Variants in AMZ2 observed in about 807,000 individuals in gnomAD.
AMZ2 encodes the protein archaelysin family metallopeptidase 2.
AMZ2 carries 26 observed loss-of-function variants against 36.7 expected under a neutral mutation model. That is an observed-to-expected ratio of 0.71 (90% CI 0.52 to 0.98). The LOEUF (loss-of-function observed/expected upper bound fraction) is 0.98, where lower values mean the gene tolerates loss of function less well. Ranked by LOEUF, AMZ2 falls within the 50% of genes least tolerant of loss-of-function variation. AMZ2 has a pLI of 0.00. For synonymous variants in AMZ2, 144 were observed against 149.1 expected (o/e 0.97, Z 0.25); for missense variants, 394 against 430.5 (o/e 0.92, Z 0.75).
Position 68,254,452 on chromosome 17 carries a change from T to G in AMZ2, c.635T>G (p.Met212Arg). The change falls in exon 5 of 7, where the codon ATG (methionine) becomes AGG (arginine). Residue 212 changes from methionine to arginine, a missense_variant. Physicochemically the swap from Met to Arg is moderately conservative, Grantham distance 91. Transcript: ENST00000359904. ...FARYGSDFYS[M>R]HYKGKVKKLK... is the part of the protein sequence containing the mutation. The stretch of plus-strand genomic sequence containing the variant: ...AGGTATGGCAGTGATTTTTATAGCA[T>G]GCACTATAAAGGCAAAGTGAAGAAG... 6.2e-7 allele frequency: 1 copy of G among 1,613,636 alleles called. No homozygotes were observed. The highest frequency in any genetic ancestry group is 8.5e-7 in the Non-Finnish European group (1 of 1,179,980).
At chr17:68,247,121 G>A (rs1276826960), upstream of AMZ2, 5 of 151,790 alleles carry the variant, frequency 3.3e-5, no homozygotes, top group Admixed American at 3.3e-4. Flanking sequence ...GATCACTTGA[G>A]GTCAGGAGTT....
At chr17:68,225,068 T>G (rs1383279474) in intron 1 of AMZ2, among the ~76,000 whole-genome samples, 1 of 151,592 alleles carries the variant, frequency 6.6e-6, no homozygotes, top group East Asian at 1.9e-4. Context: ...GGCGTGCACC[T>G]GTAATCCCAG....
intron 1 of AMZ2, among the ~76,000 whole-genome samples, chr17:68,226,861 A>G (rs142023693): frequency 0.026 from 3,907 of 150,646 alleles, 72 homozygotes; most frequent in Non-Finnish European, 0.036. Context: ...TGGCTCTAAC[A>G]TCAGGGGACC....
chr17:68,238,140 G>A (rs1379619405), intron 1 of AMZ2, among the ~76,000 whole-genome samples: 1 of 152,320 alleles, frequency 6.6e-6, no homozygotes, highest in East Asian at 1.9e-4. Context: ...ACATCACCAA[G>A]AGGATCACAG....
chr17:68,222,597 T>G (rs1555728837), intron 1 of AMZ2, among the ~76,000 whole-genome samples: 1 of 152,190 alleles, frequency 6.6e-6, no homozygotes, highest in Non-Finnish European at 1.5e-5. Flanking sequence ...AGTGAGCTTG[T>G]TTTCCTGCAA....
intron 1 of AMZ2, among the ~76,000 whole-genome samples, chr17:68,220,426 G>A (rs1477090166): frequency 6.6e-6 from 1 of 151,794 alleles, no homozygotes; most frequent in Non-Finnish European, 1.5e-5. Flanking sequence ...GTAAGCTCCC[G>A]GAAGTCAGAG....
chr17:68,248,824 G>GA (rs1555737404), intron 1 of AMZ2, 119 bp downstream of exon 1: 1 of 952,776 alleles, frequency 1.0e-6, no homozygotes, highest in Non-Finnish European at 1.3e-6. Context: ...TTTGAGTACA[G>GA]AGACATTTGG....
At chr17:68,247,912 C>T, upstream of AMZ2, 1 of 985,560 alleles carries the variant, frequency 1.0e-6, no homozygotes, top group Non-Finnish European at 1.2e-6. Flanking sequence ...TCTGCGCCTG[C>T]CCAGGCGGCC....
intron 4 of AMZ2, among the ~76,000 whole-genome samples, chr17:68,252,896 A>G (rs1266897665): frequency 3.3e-5 from 5 of 152,210 alleles, no homozygotes; most frequent in Non-Finnish European, 5.9e-5. Context: ...GTGTTTGAGG[A>G]GGTCAGGAAA....
upstream of AMZ2, among the ~76,000 whole-genome samples, chr17:68,244,515 G>A (rs565761676): frequency 5.9e-5 from 9 of 152,290 alleles, no homozygotes; most frequent in Middle Eastern, 3.4e-3. Context: ...TCAAACTCCT[G>A]ACCTCAAGTG....
At chr17:68,234,001 C>T (rs1208634259) in intron 1 of AMZ2, among the ~76,000 whole-genome samples, 5 of 152,246 alleles carry the variant, frequency 3.3e-5, no homozygotes, top group East Asian at 1.9e-4. Flanking sequence ...TACAGCAAAT[C>T]GTAGATTCCA....
chr17:68,222,848 C>CT (rs1397579843), intron 1 of AMZ2, among the ~76,000 whole-genome samples: 1 of 152,220 alleles, frequency 6.6e-6, no homozygotes, highest in Non-Finnish European at 1.5e-5. Context: ...TCACCTCCTG[C>CT]TGTGTGGCCC....
chr17:68,224,942 C>T (rs1183179327), intron 1 of AMZ2, among the ~76,000 whole-genome samples: 6 of 151,690 alleles, frequency 4.0e-5, no homozygotes, highest in Middle Eastern at 3.4e-3. Flanking sequence ...TTTTGGGAGG[C>T]GGAGGCGGGT....
intron 1 of AMZ2, among the ~76,000 whole-genome samples, chr17:68,232,391 G>A (rs1409072771): frequency 6.6e-6 from 1 of 151,404 alleles, no homozygotes; most frequent in Non-Finnish European, 1.5e-5. Flanking sequence ...AGCTACTCAG[G>A]AGGCTAAAGC....
chr17:68,230,072 T>C (rs1249707610), intron 1 of AMZ2, among the ~76,000 whole-genome samples: 1 of 152,082 alleles, frequency 6.6e-6, no homozygotes, highest in African/African-American at 2.4e-5. Context: ...TTTTTTGTTT[T>C]GTTTTGTTTT....
At chr17:68,231,346 C>T (rs2073658925) in intron 1 of AMZ2, among the ~76,000 whole-genome samples, 1 of 152,046 alleles carries the variant, frequency 6.6e-6, no homozygotes, top group African/African-American at 2.4e-5. Context: ...ACTGGGATAA[C>T]AGGCGTGAGC....
At position 68,211,820 on chromosome 17, in the gene AMZ2, G is replaced by GTATATGTATATGTATGTATATGTATA. The variant is rs1176516792; in HGVS notation, c.-67+5585_-67+5586insATGTATATGTATGTATATGTATATAT. Among the ~76,000 whole-genome samples, 19 of 126,166 alleles carry GTATATGTATATGTATGTATATGTATA rather than the reference G, an allele frequency of 1.5e-4. No homozygotes were observed. In the South Asian group the frequency reaches 2.1e-3, roughly 14 times the overall value. 82.8% of individuals were successfully genotyped at this position (126,166 alleles called of 152,430 possible). A position where few individuals can be genotyped will look rare whatever the true frequency, so the allele number is the denominator to read the frequency against. On this transcript the variant is annotated intron_variant, in intron 1 of 7. Transcript: ENST00000674770. Reference sequence around the variant, plus strand: ...TATGTGTATATGTATATATGTATGTGTATGTATATGTATATATGTACATGT... The same window carrying GTATATGTATATGTATGTATATGTATA: ...TATGTGTATATGTATATATGTATGTGTATATGTATATGTATGTATATGTATATATGTATATGTATATATGTACATGT...
At chr17:68,224,051 G>A (rs557927626) in intron 1 of AMZ2, among the ~76,000 whole-genome samples, 162 of 132,582 alleles carry the variant, frequency 1.2e-3, no homozygotes, top group Non-Finnish European at 1.7e-3. Context: ...CACCACACCC[G>A]GCTAATTTTT....
chr17:68,251,106 G>A lies in AMZ2; in HGVS notation c.514G>A (p.Gly172Arg). The change falls in exon 4 of 7, where the codon GGA (glycine) becomes AGA (arginine). Residue 172 changes from glycine to arginine, a missense_variant. By Grantham distance (125) the Gly-to-Arg change is moderately radical. Coordinates refer to ENST00000359904, the MANE Select transcript of AMZ2 (RefSeq NM_016627.5). ...KKPEDAFCVV[G>R]ITMIDLYPRD... is the part of the protein sequence containing the mutation. ...ACCTGAAGATGCCTTCTGTGTTGTGGGAATAACAATGATTGATCTTTACCC... is the reference window on the plus strand; with the variant it reads ...ACCTGAAGATGCCTTCTGTGTTGTGAGAATAACAATGATTGATCTTTACCC... 6.2e-7 allele frequency: 1 copy of A among 1,613,696 alleles called. No individual in the cohort carries two copies. The highest frequency in any genetic ancestry group is 8.5e-7 in the Non-Finnish European group (1 of 1,179,906).
Sources: allele counts gnomAD v4.1 joint callset (sites outside exome capture counted in the v4.1 genomes callset), GRCh38; gene constraint gnomAD v4.1.1; transcripts MANE v1.5; gene names NCBI Gene and HGNC (gene_info 2026-07-23, HGNC 2026-07-21).